Variants in GRK5 observed in about 807,000 individuals in gnomAD.
GRK5 encodes g protein-coupled receptor kinase GRK5.
GRK5 carries 40 observed loss-of-function variants against 78.4 expected under a neutral mutation model. The observed-to-expected ratio is 0.51, with a 90% CI of 0.40 to 0.66. GRK5 has a LOEUF of 0.66. GRK5 is among the 30% of genes least tolerant of loss of function. GRK5 has a pLI of 0.00. For synonymous variants in GRK5, 289 were observed against 296.8 expected, an observed-to-expected ratio of 0.97 and a Z score of 0.27; for missense variants, 598 against 759.9, an observed-to-expected ratio of 0.79 and a Z score of 2.50.
chr10:119,315,936 C>T (rs1380843720), intron 1 of GRK5, among the ~76,000 whole-genome samples: 1 of 152,204 alleles, frequency 6.6e-6, no homozygotes, highest in African/African-American at 2.4e-5. Context: ...GGGTTTCTAA[C>T]AAATGTGGTC....
At chr10:119,296,317 T>G (rs1850080772) in intron 1 of GRK5, among the ~76,000 whole-genome samples, 1 of 152,228 alleles carries the variant, frequency 6.6e-6, no homozygotes, top group Non-Finnish European at 1.5e-5. Flanking sequence ...TCAGTTCTAC[T>G]AGCCAGAACC....
intron 3 of GRK5, among the ~76,000 whole-genome samples, chr10:119,395,277 A>G (rs146979497): frequency 0.01 from 1,578 of 152,320 alleles, 31 homozygotes; most frequent in African/African-American, 0.036. Context: ...TAGAAGAGAG[A>G]GGGCAAGACA....
intron 4 of GRK5, among the ~76,000 whole-genome samples, chr10:119,403,267 C>T (rs1265356143): frequency 6.6e-6 from 1 of 151,656 alleles, no homozygotes; most frequent in Non-Finnish European, 1.5e-5. Context: ...CCCGGGTTCA[C>T]GCCATTCTCC....
At chr10:119,237,710 C>G (rs1230274078) in intron 1 of GRK5, among the ~76,000 whole-genome samples, 1 of 151,558 alleles carries the variant, frequency 6.6e-6, no homozygotes, top group East Asian at 1.9e-4. Context: ...CTGAGGAGGG[C>G]AGGTCGGGTG....
intron 3 of GRK5, among the ~76,000 whole-genome samples, chr10:119,395,093 G>A (rs1349998728): frequency 7.0e-6 from 1 of 143,680 alleles, no homozygotes; most frequent in East Asian, 2.8e-4. Context: ...CAGTCCAGCA[G>A]CTGTGACCTT....
At chr10:119,283,606 G>C (rs1381077367) in intron 1 of GRK5, among the ~76,000 whole-genome samples, 1 of 152,268 alleles carries the variant, frequency 6.6e-6, no homozygotes, top group Non-Finnish European at 1.5e-5. Context: ...TACCCTTGGA[G>C]GCTAGGCCTT....
intron 1 of GRK5, among the ~76,000 whole-genome samples, chr10:119,319,762 C>G (rs1412217393): frequency 6.6e-6 from 1 of 152,250 alleles, no homozygotes. Context: ...TCCCTGGCTC[C>G]ATTAATTCCT....
intron 1 of GRK5, among the ~76,000 whole-genome samples, chr10:119,252,943 G>T (rs1036151225): frequency 2.0e-5 from 3 of 152,164 alleles, no homozygotes; most frequent in Non-Finnish European, 2.9e-5. Context: ...TAAACCAAGT[G>T]TTCCAAAGGC....
intron 3 of GRK5, among the ~76,000 whole-genome samples, chr10:119,387,663 G>A (rs1489623333): frequency 1.3e-5 from 2 of 152,220 alleles, no homozygotes; most frequent in Non-Finnish European, 2.9e-5. Flanking sequence ...GGAGACTGAT[G>A]GACTTCTCTC....
intron 3 of GRK5, among the ~76,000 whole-genome samples, chr10:119,384,336 C>G (rs1405059554): frequency 2.6e-5 from 4 of 152,196 alleles, no homozygotes; most frequent in Admixed American, 6.5e-5. Context: ...CACTGCTGCC[C>G]CGTGCTGGCA....
chr10:119,342,599 G>A (rs1423892667), intron 2 of GRK5, among the ~76,000 whole-genome samples: 1 of 152,140 alleles, frequency 6.6e-6, no homozygotes, highest in Non-Finnish European at 1.5e-5. Context: ...CAACCGTCCC[G>A]TGCGGTGCAG....
chr10:119,236,407 G>C (rs1848930440), intron 1 of GRK5, among the ~76,000 whole-genome samples: 1 of 151,970 alleles, frequency 6.6e-6, no homozygotes, highest in African/African-American at 2.4e-5. Flanking sequence ...GTAGAGATGG[G>C]GTTTCACTGT....
intron 4 of GRK5, among the ~76,000 whole-genome samples, chr10:119,409,520 C>G (rs560395580): frequency 6.6e-6 from 1 of 152,156 alleles, no homozygotes; most frequent in Non-Finnish European, 1.5e-5. Flanking sequence ...TTTGGAGTGG[C>G]GGCAGACAGA....
intron 2 of GRK5, among the ~76,000 whole-genome samples, chr10:119,334,314 GAA>G (rs1053639996): frequency 6.6e-6 from 1 of 152,124 alleles, no homozygotes; most frequent in Non-Finnish European, 1.5e-5. Flanking sequence ...CTAAAAAAAA[GAA>G]AAAGAGAGAG....
intron 3 of GRK5, among the ~76,000 whole-genome samples, chr10:119,389,452 G>A (rs1851850493): frequency 6.6e-6 from 1 of 152,240 alleles, no homozygotes; most frequent in Admixed American, 6.5e-5. Context: ...TAGGAAGCCA[G>A]ACCCCGGGAG....
intron 1 of GRK5, among the ~76,000 whole-genome samples, chr10:119,274,283 A>G (rs1337424331): frequency 6.6e-6 from 1 of 152,106 alleles, no homozygotes; most frequent in African/African-American, 2.4e-5. Context: ...AACATAAACC[A>G]TACTTGTTTT....
At chr10:119,422,703 G>T (rs1443376553) in intron 4 of GRK5, among the ~76,000 whole-genome samples, 1 of 152,216 alleles carries the variant, frequency 6.6e-6, no homozygotes. Context: ...CATGGCCAAG[G>T]GGCGTCACCA....
chr10:119,319,119 C>T (rs1850541175), intron 1 of GRK5, among the ~76,000 whole-genome samples: 1 of 152,194 alleles, frequency 6.6e-6, no homozygotes. Flanking sequence ...TTGTTGGCCA[C>T]TCTCCTTCCT....
intron 1 of GRK5, among the ~76,000 whole-genome samples, chr10:119,313,190 G>A (rs1216911617): frequency 6.7e-6 from 1 of 149,360 alleles, no homozygotes; most frequent in Non-Finnish European, 1.5e-5. Context: ...TGGTGATGAT[G>A]ATGGTGGTGG....
Sources: allele counts gnomAD v4.1 joint callset (sites outside exome capture counted in the v4.1 genomes callset), GRCh38; gene constraint gnomAD v4.1.1; transcripts MANE v1.5; gene names NCBI Gene and HGNC (gene_info 2026-07-23, HGNC 2026-07-21).